The following CA5A variants were observed in gnomAD, a reference collection of about 807,000 sequenced individuals.
The protein encoded by CA5A is carbonic anhydrase 5A, mitochondrial.
A neutral mutation model predicts 37.1 loss-of-function variants in CA5A; 28 were observed. The ratio of observed to expected loss-of-function variants is 0.75; its 90% CI spans 0.56 to 1.03. The LOEUF is 1.03. CA5A is among the 50% of genes least tolerant of loss of function. CA5A has a pLI of 0.00. For missense variants in CA5A, 444 were observed against 399.9 expected, an observed-to-expected ratio of 1.11 and a Z score of -0.94; for synonymous variants, 171 against 158.4, an observed-to-expected ratio of 1.08 and a Z score of -0.60.
At chr16:87,903,259 C>G (rs1192367559) in intron 3 of CA5A, among the ~76,000 whole-genome samples, 3 of 152,000 alleles carry the variant, frequency 2.0e-5, no homozygotes, top group South Asian at 4.2e-4. Flanking sequence ...GGTGAAACCC[C>G]GTCCCTACTA....
chr16:87,903,332 G>A lies in CA5A; in HGVS notation c.460-812C>T, dbSNP rs185865953. ...TGTAATCCCAGCTACTCAGAAGGCT[G>A]AGGCAGGAGAATCACTTGAACCTGG... On this transcript the variant is annotated intron_variant, in intron 3 of 6. Coordinates refer to ENST00000649794, the MANE Select transcript of CA5A (RefSeq NM_001739.2). Among the ~76,000 whole-genome samples, 884 of 152,220 alleles carry A rather than the reference G, an allele frequency of 5.8e-3. 6 individuals are homozygous for A. The highest frequency in any genetic ancestry group is 9.5e-3 in the Non-Finnish European group (648 of 68,010).
chr16:87,929,269 T>A (rs527899094), intron 1 of CA5A, among the ~76,000 whole-genome samples: 8 of 149,694 alleles, frequency 5.3e-5, no homozygotes, highest in African/African-American at 2.0e-4. Flanking sequence ...CTGGCCAACA[T>A]GGTAAAACCC....
chr16:87,901,750 G>T (rs2055881392), intron 5 of CA5A, among the ~76,000 whole-genome samples, 162 bp downstream of exon 5: 1 of 152,030 alleles, frequency 6.6e-6, no homozygotes, highest in African/African-American at 2.4e-5. Flanking sequence ...ACCGCACCCA[G>T]CTAGTTTTGT....
At chr16:87,918,142 G>T (rs1184038238) in intron 2 of CA5A, among the ~76,000 whole-genome samples, 1 of 152,214 alleles carries the variant, frequency 6.6e-6, no homozygotes, top group East Asian at 1.9e-4. Context: ...CCAATTCCGG[G>T]CTCTCAGGCC....
downstream of CA5A, chr16:87,887,707 C>T (rs558603242): frequency 2.8e-4 from 46 of 164,610 alleles, no homozygotes; most frequent in African/African-American, 1.1e-3. Flanking sequence ...GGCAATGCAC[C>T]CCGCCAGTTC....
intron 3 of CA5A, among the ~76,000 whole-genome samples, chr16:87,903,023 T>C (rs1030039424): frequency 6.6e-6 from 1 of 150,396 alleles, no homozygotes; most frequent in Non-Finnish European, 1.5e-5. Flanking sequence ...AGGAACAGCC[T>C]CAGTCTTCCT....
At chr16:87,920,467 G>A (rs2056215380) in intron 2 of CA5A, among the ~76,000 whole-genome samples, 1 of 151,864 alleles carries the variant, frequency 6.6e-6, no homozygotes, top group Non-Finnish European at 1.5e-5. Context: ...GCACCACCAC[G>A]CTCGGCTAAT....
chr16:87,909,715 A>G (rs1272003554), intron 2 of CA5A, among the ~76,000 whole-genome samples: 1 of 152,226 alleles, frequency 6.6e-6, no homozygotes, highest in Non-Finnish European at 1.5e-5. Context: ...GAAACAGAGA[A>G]TCTCACTGCA....
chr16:87,925,798 C>T (rs1344092011), intron 2 of CA5A, among the ~76,000 whole-genome samples: 1 of 152,116 alleles, frequency 6.6e-6, no homozygotes, highest in Non-Finnish European at 1.5e-5. Context: ...TCTCAAGTCA[C>T]CTCCCAGCCC....
Position 87,904,820 on chromosome 16 carries a change from T to C in CA5A, c.425A>G (p.Glu142Gly). The C allele has an allele frequency of 6.2e-7, 1 of 1,612,866 alleles. No individual in the cohort carries two copies. The highest frequency in any genetic ancestry group is 8.5e-7 in the Non-Finnish European group (1 of 1,178,890). ...HWGAVNEGGS[E>G]HTVDGHAYPA... is the part of the protein sequence containing the mutation. ...GTACGCGTGGCCGTCCACTGTGTGCTCTGAGCCCCCCTCGTTCACTGCTCC... is the reference window on the plus strand; with the variant it reads ...GTACGCGTGGCCGTCCACTGTGTGCCCTGAGCCCCCCTCGTTCACTGCTCC... Residue 142 changes from glutamate to glycine, a missense_variant, in exon 3 of 7, where the codon GAG (glutamate) becomes GGG (glycine). By Grantham distance (98) the Glu-to-Gly change is moderately conservative. Transcript: ENST00000649794.
In CA5A at chr16:87,901,878, C is replaced by G. The variant is rs373576729; in HGVS notation, c.618+34G>C. ...CTGGGATTACAGGCGTGAGCCTCCGCGCCCGGCCTGCTGATTTCAAATATG... is the reference window on the plus strand; with the variant it reads ...CTGGGATTACAGGCGTGAGCCTCCGGGCCCGGCCTGCTGATTTCAAATATG... On this transcript the variant is annotated intron_variant, in intron 5 of 6. Transcript: ENST00000649794. The G allele has an allele frequency of 6.1e-5, 98 of 1,594,382 alleles. 2 individuals carry two copies. In the South Asian group the frequency reaches 1.0e-3, roughly 17 times the overall value.
chr16:87,921,220 G>T (rs1189821656), intron 2 of CA5A, among the ~76,000 whole-genome samples: 14 of 152,158 alleles, frequency 9.2e-5, no homozygotes, highest in African/African-American at 3.4e-4. Context: ...TGACCACCGC[G>T]CCTGGCCACT....
At position 87,916,429 on chromosome 16, in the gene CA5A, G is replaced by A. The variant is rs112235803; in HGVS notation, c.340+10319C>T. ...TGATGCTGGAATGCTCCTCCCCACC[G>A]TCATGAAGCTGGCACTTTCTTACCA... On this transcript the variant is annotated intron_variant, in intron 2 of 6. Transcript: ENST00000649794. Among the ~76,000 whole-genome samples, 1,064 of 152,210 alleles carry A rather than the reference G, an allele frequency of 7.0e-3. 6 individuals carry two copies. The highest frequency in any genetic ancestry group is 0.02 in the Middle Eastern group (6 of 294).
At chr16:87,895,870 C>T (rs2055794927) in intron 5 of CA5A, among the ~76,000 whole-genome samples, 1 of 152,202 alleles carries the variant, frequency 6.6e-6, no homozygotes, top group South Asian at 2.1e-4. Context: ...AGTAATATCT[C>T]ACTGCATGGT....
At position 87,904,766 on chromosome 16, in the gene CA5A, G is replaced by C; in HGVS notation, c.459+20C>G. 6.8e-7 allele frequency: 1 copy of C among 1,466,858 alleles called. No homozygotes were observed. The highest frequency in any genetic ancestry group is 9.6e-7 in the Non-Finnish European group (1 of 1,045,666). 90.9% of individuals were successfully genotyped at this position (1,466,858 alleles called of 1,614,324 possible). A position where few individuals can be genotyped will look rare whatever the true frequency, so the allele number is the denominator to read the frequency against. On this transcript the variant is annotated intron_variant, in intron 3 of 6. Coordinates refer to ENST00000649794, the MANE Select transcript of CA5A (RefSeq NM_001739.2). ...CATGGAAAGTGTGCAGATATGTGCT[G>C]TTAGGCCACGTCTACAAACCTCTGC...
chr16:87,898,533 A>T (rs2055833605), intron 5 of CA5A, among the ~76,000 whole-genome samples: 1 of 152,164 alleles, frequency 6.6e-6, no homozygotes, highest in African/African-American at 2.4e-5. Flanking sequence ...CGCAGCAACA[A>T]AAAGCGATTT....
At chr16:87,891,419 G>C (rs1205077385) in intron 6 of CA5A, among the ~76,000 whole-genome samples, 1 of 150,482 alleles carries the variant, frequency 6.6e-6, no homozygotes, top group African/African-American at 2.5e-5. Context: ...AGTGAGCCGA[G>C]ATCGCACCAC....
chr16:87,924,680 C>T (rs1202406523), intron 2 of CA5A, among the ~76,000 whole-genome samples: 1 of 152,262 alleles, frequency 6.6e-6, no homozygotes. Flanking sequence ...CTCCCCGTGA[C>T]AGCAGGAGCT....
chr16:87,900,688 G>A (rs1334654950), intron 5 of CA5A, among the ~76,000 whole-genome samples: 1 of 152,256 alleles, frequency 6.6e-6, no homozygotes, highest in Non-Finnish European at 1.5e-5. Context: ...TGGATACAGG[G>A]AAGCCTATGG....
Sources: gnomAD v4.1 joint callset for allele counts (sites outside exome capture counted in the v4.1 genomes callset) on GRCh38, gnomAD v4.1.1 for gene constraint, MANE v1.5 for transcripts, NCBI Gene and HGNC (gene_info 2026-07-23, HGNC 2026-07-21) for gene names.